Variants in FTO observed in about 807,000 individuals in gnomAD.
FTO encodes FTO alpha-ketoglutarate dependent dioxygenase, also known as alpha-ketoglutarate-dependent dioxygenase FTO.
A neutral mutation model predicts 63.9 loss-of-function variants in FTO; 47 were observed. The observed-to-expected ratio is 0.74, with a 90% CI of 0.58 to 0.94. FTO has a LOEUF of 0.94. FTO is among the 40% of genes least tolerant of loss of function. The pLI, the probability that FTO is intolerant of heterozygous loss-of-function variation, is 0.00. For missense variants in FTO, 562 were observed against 618.1 expected (o/e 0.91, Z 0.96); for synonymous variants, 207 against 224.4 (o/e 0.92, Z 0.69).
In FTO at chr16:54,104,493, A is replaced by G. The variant is rs1599373799; in HGVS notation, c.1365-7269A>G. Among the ~76,000 whole-genome samples the G allele has an allele frequency of 3.9e-5, 6 of 152,074 alleles. 1 individual carries two copies. The highest frequency in any genetic ancestry group is 3.9e-4 in the Admixed American group (6 of 15,260). On this transcript the variant is annotated intron_variant, in intron 8 of 8. Transcript: ENST00000471389. ...ACACCTGGATAATTTTTATATTTTT[A>G]GTAGAGACAGGGTTTCACCACATTG...
intron 7 of FTO, among the ~76,000 whole-genome samples, chr16:53,897,790 C>A (rs544172153): frequency 6.6e-6 from 1 of 152,132 alleles, no homozygotes; most frequent in Admixed American, 6.5e-5. Context: ...CTCAAAGGTA[C>A]CAAATCCAAA....
intron 1 of FTO, among the ~76,000 whole-genome samples, chr16:53,718,954 G>C (rs559065227): frequency 6.6e-6 from 1 of 152,080 alleles, no homozygotes; most frequent in African/African-American, 2.4e-5. Context: ...TCTTTGAATG[G>C]GGCATATATA....
intron 8 of FTO, among the ~76,000 whole-genome samples, chr16:54,083,637 T>A (rs1221256126): frequency 6.6e-6 from 1 of 152,082 alleles, no homozygotes; most frequent in Non-Finnish European, 1.5e-5. Context: ...GTTCTGCACT[T>A]TGCCTCGAGT....
intron 3 of FTO, among the ~76,000 whole-genome samples, chr16:53,838,966 A>G (rs2079386339): frequency 6.6e-6 from 1 of 152,178 alleles, no homozygotes; most frequent in Non-Finnish European, 1.5e-5. Flanking sequence ...TTTGTGATAT[A>G]TTTTATTTGA....
intron 1 of FTO, among the ~76,000 whole-genome samples, chr16:53,732,273 G>C (rs1324234674): frequency 6.6e-6 from 1 of 151,216 alleles, no homozygotes; most frequent in South Asian, 2.1e-4. Context: ...GCATGGTCTC[G>C]ATCTCCTGAC....
chr16:53,828,380 C>T (rs895948345), intron 3 of FTO, among the ~76,000 whole-genome samples: 31 of 152,240 alleles, frequency 2.0e-4, no homozygotes, highest in Admixed American at 2.0e-4. Context: ...CCACCACGCC[C>T]GGCTAATTTT....
Position 54,116,704 on chromosome 16 carries a change from G to C in FTO, c.*4789G>C, listed in dbSNP as rs921561461. On this transcript the variant is annotated 3_prime_UTR_variant, in exon 9 of 9. Transcript: ENST00000471389. ...GGCCACTGCTGTGTTTGGGAGGCAG[G>C]TTTTGGGGGTTGTCAGAAGGCATTC... is the stretch of plus-strand genomic sequence containing the variant. The C allele has an allele frequency of 6.6e-6, 1 of 152,076 alleles. No individual in the cohort carries two copies. The highest frequency in any genetic ancestry group is 2.4e-5 in the African/African-American group (1 of 41,394). 9.4% of individuals were successfully genotyped at this position (152,076 alleles called of 1,614,324 possible). A position where few individuals can be genotyped will look rare whatever the true frequency, so the allele number is the denominator to read the frequency against.
chr16:53,765,360 C>T lies in FTO; in HGVS notation c.46-44780C>T, dbSNP rs1598605918. Among the ~76,000 whole-genome samples, 4 of 51,832 alleles carry T rather than the reference C, an allele frequency of 7.7e-5. No individual in the cohort carries two copies. The South Asian group carries it at 1.8e-3, about 24-fold the overall frequency. The allele number at this position is 51,832 out of a possible 152,430, so 34.0% of individuals were successfully genotyped here. A position where few individuals can be genotyped will look rare whatever the true frequency, so the allele number is the denominator to read the frequency against. On this transcript the variant is annotated intron_variant, in intron 1 of 8. Coordinates refer to ENST00000471389, the MANE Select transcript of FTO (RefSeq NM_001080432.3). ...TCACCTGAGGTCAGGAGTTCGAGACCAGCCTGGGCAATATGGTGAAACCCG... is the reference window on the plus strand; with the variant it reads ...TCACCTGAGGTCAGGAGTTCGAGACTAGCCTGGGCAATATGGTGAAACCCG...
At chr16:53,902,802 C>A (rs569991447) in intron 7 of FTO, among the ~76,000 whole-genome samples, 1 of 152,308 alleles carries the variant, frequency 6.6e-6, no homozygotes, top group East Asian at 1.9e-4. Flanking sequence ...ATCATAGACA[C>A]AGGATGCAGA....
chr16:53,922,159 C>G lies in FTO; in HGVS notation c.1240-11826C>G, dbSNP rs576688532. Among the ~76,000 whole-genome samples, 6 of 152,252 alleles carry G rather than the reference C, an allele frequency of 3.9e-5. No individual in the cohort carries two copies. In the East Asian group the frequency reaches 9.7e-4, roughly 25 times the overall value. Reference sequence around the variant, plus strand: ...AGAGATCTTGGATTGTGTCTTCATTCCCATATCATTGAGTCAGTTTTAATG... The same window carrying G: ...AGAGATCTTGGATTGTGTCTTCATTGCCATATCATTGAGTCAGTTTTAATG... On this transcript the variant is annotated intron_variant, in intron 7 of 8. Transcript: ENST00000471389.
At chr16:53,719,325 G>A (rs548212436) in intron 1 of FTO, among the ~76,000 whole-genome samples, 186 of 147,724 alleles carry the variant, frequency 1.3e-3, no homozygotes, top group African/African-American at 4.3e-3. Flanking sequence ...TCTGCCTCCC[G>A]GGCTCAAACA....
chr16:54,018,593 G>A (rs2084516949), intron 8 of FTO, among the ~76,000 whole-genome samples: 1 of 152,168 alleles, frequency 6.6e-6, no homozygotes, highest in East Asian at 1.9e-4. Flanking sequence ...GAGAGACCCA[G>A]TGGGAGGTAA....
intron 8 of FTO, among the ~76,000 whole-genome samples, chr16:54,085,841 A>C (rs1223684349): frequency 6.6e-6 from 1 of 152,174 alleles, no homozygotes; most frequent in Non-Finnish European, 1.5e-5. Flanking sequence ...TTCAGTCTCC[A>C]AGCCCTTCAG....
At chr16:53,706,724 C>G (rs1022524297) in intron 1 of FTO, among the ~76,000 whole-genome samples, 1 of 152,126 alleles carries the variant, frequency 6.6e-6, no homozygotes, top group Admixed American at 6.5e-5. Flanking sequence ...GAGATTAATC[C>G]ATGTTGTTGT....
At chr16:53,796,489 T>A (rs2078075274) in intron 1 of FTO, among the ~76,000 whole-genome samples, 1 of 152,172 alleles carries the variant, frequency 6.6e-6, no homozygotes, top group Admixed American at 6.5e-5. Context: ...ATGATGAGAA[T>A]GTAAGAAGGG....
At chr16:53,726,064 T>C (rs935981109) in intron 1 of FTO, among the ~76,000 whole-genome samples, 2 of 152,212 alleles carry the variant, frequency 1.3e-5, no homozygotes, top group Non-Finnish European at 2.9e-5. Context: ...AATACAATCA[T>C]GTATTTCTAC....
rs2083164645 is a variant in FTO at position 53,965,009 on chromosome 16, T to A, written c.1364+30900T>A. On this transcript the variant is annotated intron_variant, in intron 8 of 8. Coordinates refer to ENST00000471389, the MANE Select transcript of FTO (RefSeq NM_001080432.3). The stretch of plus-strand genomic sequence containing the variant: ...CAAACAACAATCAGCAAAAAGTTTA[T>A]GAGTCATTCACCCTAACAATTGTAA... Among the ~76,000 whole-genome samples the A allele has an allele frequency of 2.6e-5, 4 of 152,364 alleles. No homozygotes were observed. The South Asian group carries it at 8.3e-4, about 32-fold the overall frequency.
intron 1 of FTO, among the ~76,000 whole-genome samples, chr16:53,790,478 A>G (rs1380297877): frequency 1.3e-5 from 2 of 150,548 alleles, no homozygotes; most frequent in Non-Finnish European, 3.0e-5. Context: ...GCACTTTGGG[A>G]GCCTGAGGCA....
intron 8 of FTO, among the ~76,000 whole-genome samples, chr16:54,089,201 G>C (rs1460468643): frequency 2.0e-5 from 3 of 152,182 alleles, no homozygotes; most frequent in Non-Finnish European, 4.4e-5. Flanking sequence ...TGCACAAGTA[G>C]AGAATGGAAA....
Sources: gnomAD v4.1 joint callset for allele counts (sites outside exome capture counted in the v4.1 genomes callset) on GRCh38, gnomAD v4.1.1 for gene constraint, MANE v1.5 for transcripts, NCBI Gene and HGNC (gene_info 2026-07-23, HGNC 2026-07-21) for gene names.